The following RPS6KC1 variants were observed in gnomAD, a reference collection of about 807,000 sequenced individuals.
RPS6KC1 encodes the protein ribosomal protein S6 kinase C1.
RPS6KC1 carries 54 observed loss-of-function variants against 103.8 expected under a neutral mutation model. The ratio of observed to expected loss-of-function variants is 0.52; its 90% CI spans 0.42 to 0.65. RPS6KC1 has a LOEUF of 0.65. RPS6KC1 is among the 30% of genes least tolerant of loss of function. The pLI is 0.00. For missense variants in RPS6KC1, 1,151 were observed against 1,253.8 expected, an observed-to-expected ratio of 0.92 and a Z score of 1.24; for synonymous variants, 439 against 438.7, an observed-to-expected ratio of 1.00 and a Z score of -0.01.
the RPS6KC1 span, among the ~76,000 whole-genome samples, chr1:213,467,252 T>C: frequency 1.3e-5 from 2 of 152,208 alleles, no homozygotes; most frequent in Admixed American, 1.3e-4. Context: ...CCAAGCACTG[T>C]TTAAACAAAA....
At chr1:213,633,100 T>A in the RPS6KC1 span, among the ~76,000 whole-genome samples, 2 of 152,012 alleles carry the variant, frequency 1.3e-5, no homozygotes, top group Admixed American at 1.3e-4. Flanking sequence ...ACGGGGAGAA[T>A]GAAACCAAGT....
At chr1:213,372,607 G>A in the RPS6KC1 span, among the ~76,000 whole-genome samples, 3 of 152,124 alleles carry the variant, frequency 2.0e-5, no homozygotes, top group African/African-American at 7.2e-5. Flanking sequence ...AATAGTTTGG[G>A]AACTTCAGAT....
In RPS6KC1 at chr1:213,121,366, A is replaced by G. The variant is rs184881387; in HGVS notation, c.472+3956A>G. ...ATATGAAATTGAAAATTAAGAAATTATTTGGTAGGTTTTTAAACAAAATAT... is the reference window on the plus strand; with the variant it reads ...ATATGAAATTGAAAATTAAGAAATTGTTTGGTAGGTTTTTAAACAAAATAT... On this transcript the variant is annotated intron_variant, in intron 5 of 14. Coordinates refer to ENST00000366960, the MANE Select transcript of RPS6KC1 (RefSeq NM_012424.6). 3.3e-5 allele frequency among the ~76,000 whole-genome samples: 5 copies of G among 152,370 alleles called. No individual in the cohort carries two copies. In the East Asian group the frequency reaches 9.6e-4, roughly 29 times the overall value.
the RPS6KC1 span, among the ~76,000 whole-genome samples, chr1:213,463,012 G>A: frequency 6.6e-6 from 1 of 152,182 alleles, no homozygotes; most frequent in East Asian, 1.9e-4. Flanking sequence ...GGCCACCACT[G>A]AATTAAACTT....
chr1:213,375,276 C>T, the RPS6KC1 span, among the ~76,000 whole-genome samples: 1 of 151,860 alleles, frequency 6.6e-6, no homozygotes, highest in African/African-American at 2.4e-5. Context: ...TATACACATA[C>T]ATATATACAC....
chr1:213,430,377 G>A, the RPS6KC1 span, among the ~76,000 whole-genome samples: 8 of 152,136 alleles, frequency 5.3e-5, no homozygotes, highest in Non-Finnish European at 2.9e-5. Flanking sequence ...GCAATTTCAC[G>A]ATTTTGTGTG....
At chr1:213,368,946 G>A in the RPS6KC1 span, among the ~76,000 whole-genome samples, 1 of 152,208 alleles carries the variant, frequency 6.6e-6, no homozygotes, top group African/African-American at 2.4e-5. Context: ...AGGAAATAAG[G>A]CTGAGGCCCA....
the RPS6KC1 span, among the ~76,000 whole-genome samples, chr1:213,861,259 C>T: frequency 6.6e-6 from 1 of 152,208 alleles, no homozygotes; most frequent in South Asian, 2.1e-4. Flanking sequence ...AATTTGTCCC[C>T]AAAACAGGAG....
the RPS6KC1 span, among the ~76,000 whole-genome samples, chr1:213,397,960 G>A: frequency 2.0e-5 from 3 of 152,212 alleles, no homozygotes; most frequent in Admixed American, 2.0e-4. Flanking sequence ...CTAGGCTGAA[G>A]GGGACACATG....
chr1:213,584,139 C>T, the RPS6KC1 span, among the ~76,000 whole-genome samples: 4 of 152,162 alleles, frequency 2.6e-5, no homozygotes, highest in Non-Finnish European at 5.9e-5. Flanking sequence ...GCTTGGTTCT[C>T]ATTCTGTCTT....
the RPS6KC1 span, among the ~76,000 whole-genome samples, chr1:213,595,332 T>C: frequency 1.3e-5 from 2 of 152,148 alleles, no homozygotes; most frequent in Non-Finnish European, 1.5e-5. Context: ...GAATGACCCA[T>C]GTTGGGTTAA....
chr1:213,634,772 G>T, the RPS6KC1 span, among the ~76,000 whole-genome samples: 1 of 149,320 alleles, frequency 6.7e-6, no homozygotes, highest in East Asian at 2.0e-4. Flanking sequence ...AATATGAGAG[G>T]GGAAATAAAA....
At chr1:213,351,172 C>A in the RPS6KC1 span, among the ~76,000 whole-genome samples, 1 of 152,138 alleles carries the variant, frequency 6.6e-6, no homozygotes, top group Admixed American at 6.6e-5. Context: ...GGGATCAATT[C>A]TTAGATGTCA....
the RPS6KC1 span, among the ~76,000 whole-genome samples, chr1:213,496,542 G>A: frequency 6.6e-6 from 1 of 152,190 alleles, no homozygotes; most frequent in Non-Finnish European, 1.5e-5. Flanking sequence ...TGAATCATTT[G>A]AGGTCAAGGG....
chr1:213,428,524 CT>C, the RPS6KC1 span, among the ~76,000 whole-genome samples: 31 of 43,172 alleles, frequency 7.2e-4, no homozygotes, highest in Non-Finnish European at 1.0e-3. Context: ...CTTCCTCTTT[CT>C]CTCTCTCTCT....
At chr1:213,116,929 G>T (rs1212853956) in intron 4 of RPS6KC1, among the ~76,000 whole-genome samples, 1 of 152,190 alleles carries the variant, frequency 6.6e-6, no homozygotes, top group Non-Finnish European at 1.5e-5. Context: ...TCTGCTGTTA[G>T]TCTGATGGGC....
chr1:213,243,858 A>G (rs1245682026), intron 12 of RPS6KC1, among the ~76,000 whole-genome samples: 1 of 152,200 alleles, frequency 6.6e-6, no homozygotes, highest in African/African-American at 2.4e-5. Context: ...GTTTCTCTGC[A>G]TAATGGGAAG....
chr1:213,305,024 T>C, the RPS6KC1 span, among the ~76,000 whole-genome samples: 11 of 152,194 alleles, frequency 7.2e-5, no homozygotes, highest in Non-Finnish European at 1.6e-4. Flanking sequence ...CAATTTTTGC[T>C]CTTACAAGTA....
chr1:213,541,819 G>A, the RPS6KC1 span, among the ~76,000 whole-genome samples: 10 of 152,172 alleles, frequency 6.6e-5, no homozygotes, highest in African/African-American at 2.4e-4. Context: ...TGGCATGAAA[G>A]GGAGGGCCTG....
Sources: gnomAD v4.1 joint callset for allele counts (sites outside exome capture counted in the v4.1 genomes callset) on GRCh38, gnomAD v4.1.1 for gene constraint, MANE v1.5 for transcripts, NCBI Gene and HGNC (gene_info 2026-07-23, HGNC 2026-07-21) for gene names.